SH3PXD2B: variants seen among roughly 807,000 people sequenced by gnomAD.
SH3PXD2B encodes the protein SH3 and PX domain-containing protein 2B.
Under a neutral mutation model 73.1 loss-of-function variants are expected in SH3PXD2B, and 37 were observed. That is an observed-to-expected ratio of 0.51 (90% CI 0.39 to 0.67). The LOEUF is 0.67. Among genes scored for constraint, SH3PXD2B ranks in the 30% least tolerant of loss-of-function variants. The pLI, the probability that SH3PXD2B is intolerant of heterozygous loss-of-function variation, is 0.00. For synonymous variants in SH3PXD2B, 457 were observed against 480.5 expected, an observed-to-expected ratio of 0.95 and a Z score of 0.64; for missense variants, 1,053 against 1,197.8, an observed-to-expected ratio of 0.88 and a Z score of 1.78.
downstream of SH3PXD2B, among the ~76,000 whole-genome samples, chr5:172,331,972 A>G (rs948476543): frequency 6.6e-5 from 10 of 152,158 alleles, no homozygotes; most frequent in Non-Finnish European, 1.3e-4. Flanking sequence ...ACAAAAAACA[A>G]TATGATAGGG....
At chr5:172,452,200 C>CA (rs1034714593) in intron 1 of SH3PXD2B, among the ~76,000 whole-genome samples, 14 of 152,238 alleles carry the variant, frequency 9.2e-5, no homozygotes, top group African/African-American at 3.1e-4. Context: ...GCTGAGGTGA[C>CA]ACAGCTACAA....
chr5:172,330,019 T>G (rs80328159), downstream of SH3PXD2B, among the ~76,000 whole-genome samples: 4,089 of 152,298 alleles, frequency 0.027, 181 homozygotes, highest in African/African-American at 0.093. Flanking sequence ...GGGTTGTGTT[T>G]CCCTTATCCA....
intron 2 of SH3PXD2B, among the ~76,000 whole-genome samples, chr5:172,407,382 T>A (rs1758584870): frequency 6.6e-6 from 1 of 152,200 alleles, no homozygotes; most frequent in African/African-American, 2.4e-5. Flanking sequence ...CCATGGGGAT[T>A]GGCCACTCTC....
Position 172,347,282 on chromosome 5 carries a change from C to A in SH3PXD2B, c.1062+1G>T, listed in dbSNP as rs750614283. 6.2e-7 allele frequency: 1 copy of A among 1,614,146 alleles called. No homozygotes were observed. Among genetic ancestry groups the A allele is most frequent in the Non-Finnish European group, 8.5e-7 (1 of 1,180,000 alleles). ...CTCCCCAGTAGCGAGGATCCACTTACAATGGTCATGTCCCGGCGAGGAGGG... is the reference window on the plus strand; with the variant it reads ...CTCCCCAGTAGCGAGGATCCACTTAAAATGGTCATGTCCCGGCGAGGAGGG... On this transcript the variant is annotated splice_donor_variant, in intron 11 of 12. Coordinates refer to ENST00000311601, the MANE Select transcript of SH3PXD2B (RefSeq NM_001017995.3). LOFTEE classifies it high-confidence loss of function.
intron 1 of SH3PXD2B, among the ~76,000 whole-genome samples, chr5:172,440,326 A>C (rs1759528671): frequency 6.6e-6 from 1 of 151,928 alleles, no homozygotes; most frequent in African/African-American, 2.4e-5. Flanking sequence ...CTGCCACTCC[A>C]CCCTGCATCC....
At chr5:172,365,195 C>G (rs958982176) in intron 6 of SH3PXD2B, among the ~76,000 whole-genome samples, 3 of 152,154 alleles carry the variant, frequency 2.0e-5, no homozygotes, top group Non-Finnish European at 4.4e-5. Context: ...AAGATGCAGG[C>G]TGATGGTTCA....
chr5:172,382,902 T>C (rs1757981654), intron 4 of SH3PXD2B, among the ~76,000 whole-genome samples: 1 of 151,858 alleles, frequency 6.6e-6, no homozygotes, highest in Admixed American at 6.6e-5. Context: ...CTAATTTTTT[T>C]TTTTTTTGTA....
At chr5:172,447,330 T>C (rs1452638462) in intron 1 of SH3PXD2B, among the ~76,000 whole-genome samples, 2 of 152,232 alleles carry the variant, frequency 1.3e-5, no homozygotes, top group Non-Finnish European at 2.9e-5. Flanking sequence ...GCTTTAGCTA[T>C]TTAATATGCT....
chr5:172,365,590 C>T (rs1002407145), intron 6 of SH3PXD2B, among the ~76,000 whole-genome samples: 2 of 136,140 alleles, frequency 1.5e-5, no homozygotes, highest in African/African-American at 6.1e-5. Context: ...CCACTTCCCC[C>T]GAGGTCAGGT....
At chr5:172,357,823 T>C (rs1757315703) in intron 8 of SH3PXD2B, among the ~76,000 whole-genome samples, 1 of 152,210 alleles carries the variant, frequency 6.6e-6, no homozygotes, top group Non-Finnish European at 1.5e-5. Context: ...TGCTAACCTT[T>C]GGGCACAGAA....
rs756608241 is a variant in SH3PXD2B at position 172,372,916 on chromosome 5, TGGA to T, written c.427+871_427+873del. 7.2e-5 allele frequency among the ~76,000 whole-genome samples: 11 copies of T among 152,306 alleles called. No homozygotes were observed. In the South Asian group the frequency reaches 8.3e-4, roughly 11 times the overall value. On this transcript the variant is annotated intron_variant, in intron 6 of 12. Coordinates refer to ENST00000311601, the MANE Select transcript of SH3PXD2B (RefSeq NM_001017995.3). Reference sequence around the variant, plus strand: ...GTATGGGCCGGGGCCTTTGCAGATGTGGAGGATGATCTTGGGTGGCAGGAAGAA... The same window carrying T: ...GTATGGGCCGGGGCCTTTGCAGATGTGGATGATCTTGGGTGGCAGGAAGAA...
At chr5:172,418,094 AG>A (rs1758869436) in intron 2 of SH3PXD2B, among the ~76,000 whole-genome samples, 1 of 152,326 alleles carries the variant, frequency 6.6e-6, no homozygotes, top group East Asian at 1.9e-4. Flanking sequence ...AGCAGCTAAA[AG>A]TGTGGATACT....
At chr5:172,414,718 T>C (rs1758781319) in intron 2 of SH3PXD2B, among the ~76,000 whole-genome samples, 1 of 152,230 alleles carries the variant, frequency 6.6e-6, no homozygotes, top group African/African-American at 2.4e-5. Flanking sequence ...CTCTGCAGCA[T>C]GAACTTCCCC....
intron 6 of SH3PXD2B, among the ~76,000 whole-genome samples, chr5:172,367,040 G>A (rs1301004116): frequency 2.0e-5 from 3 of 149,072 alleles, no homozygotes; most frequent in East Asian, 4.0e-4. Flanking sequence ...GGGCTCAGGC[G>A]ATTCTCTCGC....
downstream of SH3PXD2B, among the ~76,000 whole-genome samples, chr5:172,330,897 G>T (rs1376454751): frequency 6.6e-6 from 1 of 152,158 alleles, no homozygotes; most frequent in Non-Finnish European, 1.5e-5. Flanking sequence ...CATGTACTCA[G>T]TAAAAGTTAG....
In SH3PXD2B at chr5:172,337,810, T is replaced by C. The variant is rs560496101; in HGVS notation, c.*559A>G. On this transcript the variant is annotated 3_prime_UTR_variant, in exon 13 of 13. Coordinates refer to ENST00000311601, the MANE Select transcript of SH3PXD2B (RefSeq NM_001017995.3). ...CTCAGAGGCCCACGGGCCTGAGGCT[T>C]TGGGGAAGGGGACACTTTCCCTGGA... The C allele has an allele frequency of 4.0e-6, 4 of 999,150 alleles. No homozygotes were observed. In the African/African-American group the frequency reaches 7.0e-5, roughly 17 times the overall value. 61.9% of individuals were successfully genotyped at this position (999,150 alleles called of 1,614,324 possible). A position where few individuals can be genotyped will look rare whatever the true frequency, so the allele number is the denominator to read the frequency against.
chr5:172,418,400 C>T (rs1316252828), intron 2 of SH3PXD2B, among the ~76,000 whole-genome samples: 2 of 152,216 alleles, frequency 1.3e-5, no homozygotes, highest in Non-Finnish European at 2.9e-5. Context: ...GGTGGCTGGG[C>T]CCCAGGTCTC....
rs1206838977 is a variant in SH3PXD2B, at chr5:172,433,568, C to G, written c.76-11072G>C. ...GCCAGCATCTTCTCCGTTACCCTGG[C>G]TCAGTCCTAGGGCCACCAAGGAGCC... On this transcript the variant is annotated intron_variant, in intron 1 of 12. Coordinates refer to ENST00000311601, the MANE Select transcript of SH3PXD2B (RefSeq NM_001017995.3). Among the ~76,000 whole-genome samples, 5 of 152,218 alleles carry G rather than the reference C, an allele frequency of 3.3e-5. No homozygotes were observed. The East Asian group carries it at 9.6e-4, about 29-fold the overall frequency.
intron 4 of SH3PXD2B, among the ~76,000 whole-genome samples, chr5:172,390,995 C>A (rs1268978006): frequency 2.6e-5 from 4 of 152,250 alleles, no homozygotes; most frequent in Non-Finnish European, 2.9e-5. Flanking sequence ...GCATGCGCCA[C>A]CTCGCCTGGC....
Sources: gnomAD v4.1 joint callset for allele counts (sites outside exome capture counted in the v4.1 genomes callset) on GRCh38, gnomAD v4.1.1 for gene constraint, MANE v1.5 for transcripts, NCBI Gene and HGNC (gene_info 2026-07-23, HGNC 2026-07-21) for gene names.